TDRD12: variants seen among roughly 807,000 people sequenced by gnomAD.
TDRD12 encodes the protein tudor domain containing 12, also known as putative ATP-dependent RNA helicase TDRD12.
Under a neutral mutation model 133.5 loss-of-function variants are expected in TDRD12, and 158 were observed. The observed-to-expected ratio is 1.18, with a 90% CI of 1.04 to 1.35. The LOEUF (loss-of-function observed/expected upper bound fraction) is 1.35, where lower values mean the gene tolerates loss of function less well. TDRD12 is among the 40% of genes most tolerant of loss of function. TDRD12 has a pLI of 0.00. For synonymous variants in TDRD12, 460 were observed against 477.9 expected, an observed-to-expected ratio of 0.96 and a Z score of 0.49; for missense variants, 1,443 against 1,321.3, an observed-to-expected ratio of 1.09 and a Z score of -1.43.
exon 10 of TDRD12, chr19:32,827,373 T>TTTTA: frequency 9.3e-6 from 1 of 107,364 alleles, no homozygotes; most frequent in Non-Finnish European, 1.4e-5. Flanking sequence ...TTTTCTTTTC[T>TTTTA]TTTTTTTTTT....
At chr19:32,791,640 A>AGC (rs1391797946) in intron 13 of TDRD12, among the ~76,000 whole-genome samples, 2 of 152,134 alleles carry the variant, frequency 1.3e-5, no homozygotes, top group Non-Finnish European at 2.9e-5. Flanking sequence ...GTGCTTTGCG[A>AGC]GCGAGGGGAG....
chr19:32,784,790 T>C (rs554742770), intron 11 of TDRD12, among the ~76,000 whole-genome samples: 64 of 152,354 alleles, frequency 4.2e-4, no homozygotes, highest in African/African-American at 1.5e-3. Context: ...TATAGTATTC[T>C]CTGATGGTAG....
intron 23 of TDRD12, 110 bp downstream of exon 23, chr19:32,810,387 T>A: frequency 2.2e-6 from 2 of 904,696 alleles, no homozygotes; most frequent in Non-Finnish European, 3.2e-6. Flanking sequence ...TATGTGAGCC[T>A]GGTGACAGCG....
chr19:32,780,438 A>T (rs1970729598), intron 11 of TDRD12, among the ~76,000 whole-genome samples: 1 of 152,202 alleles, frequency 6.6e-6, no homozygotes, highest in Admixed American at 6.5e-5. Context: ...TCTGAACAGC[A>T]ATGCATGTCG....
intron 1 of TDRD12, among the ~76,000 whole-genome samples, chr19:32,728,820 T>C (rs1450811539): frequency 6.6e-6 from 1 of 150,386 alleles, no homozygotes; most frequent in Non-Finnish European, 1.5e-5. Context: ...TATTTTTTTT[T>C]TTTTTTTTTG....
chr19:32,731,673 G>C, intron 1 of TDRD12, 52 bp from the exon 2 acceptor site: 1 of 1,419,452 alleles, frequency 7.0e-7, no homozygotes, highest in Non-Finnish European at 9.3e-7. Flanking sequence ...TTATTTTGTG[G>C]TACTACTTTT....
chr19:32,731,788 G>A (rs1969064055), exon 2 of TDRD12: 1 of 1,551,190 alleles, frequency 6.4e-7, no homozygotes, highest in African/African-American at 1.4e-5. Flanking sequence ...AGATCATGAT[G>A]TCGATTATCA....
chr19:32,775,661 GT>G (rs111462331), intron 10 of TDRD12, among the ~76,000 whole-genome samples: 3,366 of 146,590 alleles, frequency 0.023, 79 homozygotes, highest in Non-Finnish European at 0.034. Context: ...AATTTTCCTT[GT>G]TTTTTTTTTT....
At chr19:32,743,215 C>T (rs1969486330) in intron 4 of TDRD12, among the ~76,000 whole-genome samples, 1 of 152,228 alleles carries the variant, frequency 6.6e-6, no homozygotes, top group African/African-American at 2.4e-5. Context: ...ACGGTCTCAC[C>T]CTTTTGCCCG....
chr19:32,745,831 A>T (rs1969593856), intron 4 of TDRD12, among the ~76,000 whole-genome samples: 1 of 127,596 alleles, frequency 7.8e-6, no homozygotes, highest in African/African-American at 3.1e-5. Flanking sequence ...AAGGAGAGAG[A>T]CTGGCTGATG....
At chr19:32,764,364 C>T (rs1420512474) in intron 8 of TDRD12, among the ~76,000 whole-genome samples, 1 of 152,064 alleles carries the variant, frequency 6.6e-6, no homozygotes, top group African/African-American at 2.4e-5. Context: ...CCCACCTCAG[C>T]CTCCTAAAGT....
intron 21 of TDRD12, among the ~76,000 whole-genome samples, chr19:32,805,200 C>CATATATAATATATATAT (rs1568489106): frequency 3.0e-4 from 19 of 63,162 alleles, no homozygotes; most frequent in African/African-American, 7.3e-4. Context: ...TATATATATA[C>CATATATAATATATATAT]ACACACACAC....
chr19:32,773,524 A>G, exon 10 of TDRD12: 1 of 1,551,708 alleles, frequency 6.4e-7, no homozygotes, highest in Non-Finnish European at 8.7e-7. Flanking sequence ...CAGATGTACC[A>G]GAAGCAAGGT....
intron 1 of TDRD12, among the ~76,000 whole-genome samples, chr19:32,723,468 C>G (rs970228069): frequency 6.6e-6 from 1 of 151,926 alleles, no homozygotes; most frequent in African/African-American, 2.4e-5. Context: ...CCAGGATGGT[C>G]TCGATCTCCT....
At chr19:32,740,457 G>A (rs1969387149) in intron 3 of TDRD12, among the ~76,000 whole-genome samples, 1 of 122,956 alleles carries the variant, frequency 8.1e-6, no homozygotes, top group African/African-American at 3.2e-5. Context: ...GCATCTCCTG[G>A]GTACTCTGCA....
intron 11 of TDRD12, among the ~76,000 whole-genome samples, chr19:32,783,183 G>A (rs1351168041): frequency 1.3e-5 from 2 of 152,110 alleles, no homozygotes; most frequent in Non-Finnish European, 2.9e-5. Context: ...TCTGCATATG[G>A]CTAGCCAGTT....
chr19:32,728,645 CT>C lies in TDRD12; in HGVS notation c.25-3063del, dbSNP rs61327045. Among the ~76,000 whole-genome samples, 1,008 of 129,066 alleles carry C rather than the reference CT, an allele frequency of 7.8e-3. 4 individuals carry two copies. The highest frequency in any genetic ancestry group is 9.4e-3 in the African/African-American group (328 of 34,824). 84.7% of individuals were successfully genotyped at this position (129,066 alleles called of 152,430 possible). A position where few individuals can be genotyped will look rare whatever the true frequency, so the allele number is the denominator to read the frequency against. On this transcript the variant is annotated intron_variant, in intron 1 of 27. Transcript: ENST00000444215. ...TACCCCTTGTGAAATTTTTCTTTTC[CT>C]TTTTTTTTTTTTTTTTGTGACAGAG... is the stretch of plus-strand genomic sequence containing the variant.
At chr19:32,726,128 C>G (rs945558558) in intron 1 of TDRD12, among the ~76,000 whole-genome samples, 1 of 151,520 alleles carries the variant, frequency 6.6e-6, no homozygotes, top group Admixed American at 6.6e-5. Flanking sequence ...TCGCCCAGGC[C>G]GGAATGCAGT....
At chr19:32,778,112 G>A (rs1356678705) in intron 11 of TDRD12, among the ~76,000 whole-genome samples, 3 of 151,830 alleles carry the variant, frequency 2.0e-5, no homozygotes, top group African/African-American at 4.8e-5. Context: ...TGTGAGACAG[G>A]TCAGAGGTGG....
Sources: gnomAD v4.1 joint callset for allele counts (sites outside exome capture counted in the v4.1 genomes callset) on GRCh38, gnomAD v4.1.1 for gene constraint, MANE v1.5 for transcripts, NCBI Gene and HGNC (gene_info 2026-07-23, HGNC 2026-07-21) for gene names.